FKBP11: variants seen among roughly 807,000 people sequenced by gnomAD.
FKBP11 encodes the protein FKBP prolyl isomerase 11, also known as peptidyl-prolyl cis-trans isomerase FKBP11.
FKBP11 carries 21 observed loss-of-function variants against 24.7 expected under a neutral mutation model. That is an observed-to-expected ratio of 0.85 (90% CI 0.60 to 1.23). The LOEUF (loss-of-function observed/expected upper bound fraction) is 1.23. Ranked by LOEUF, FKBP11 falls within the 50% of genes most tolerant of loss-of-function variation. FKBP11 has a pLI of 0.00. For missense variants in FKBP11, 245 were observed against 248.7 expected (o/e 0.99, Z 0.10); for synonymous variants, 106 against 100.6 (o/e 1.05, Z -0.32).
chr12:48,931,523 T>G, the FKBP11 span: 19 of 1,496,390 alleles, frequency 1.3e-5, no homozygotes, highest in East Asian at 2.5e-5. Context: ...CTTGGAAAGA[T>G]AGGAGAGTTG....
chr12:48,924,656 G>T lies in FKBP11; in HGVS notation c.196-8C>A, dbSNP rs756025961. 22 of 1,613,064 alleles carry T rather than the reference G, an allele frequency of 1.4e-5. No homozygotes were observed. The East Asian group carries it at 4.7e-4, about 34-fold the overall frequency. ...TCCATCTACCAAGCTTCCCTGGGGG[G>T]AGAGAGCATCAAGAGCATACATCTA... On this transcript the variant is annotated splice_region_variant and splice_polypyrimidine_tract_variant and intron_variant, in intron 2 of 5. Transcript: ENST00000550765.
chr12:48,923,833 T>A lies in FKBP11; in HGVS notation c.337A>T (p.Ile113Phe). The change falls in exon 5 of 6, where the codon ATT becomes TTT. Residue 113 changes from isoleucine (I) to phenylalanine (F), a missense_variant. By Grantham distance (21) the Ile-to-Phe change is conservative. Transcript: ENST00000550765. ...MCVGEKRRAI[I>F]PSHLAYGKRG... ...TTTCCATAGGCCAAGTGAGAAGGAA[T>A]GATTGCCCTTCGCTTCTCTCTGAGG... 1 of 1,614,102 alleles carries A rather than the reference T, an allele frequency of 6.2e-7. No individual in the cohort carries two copies. The highest frequency in any genetic ancestry group is 1.3e-5 in the African/African-American group (1 of 75,022).
At chr12:48,924,807 C>A in intron 2 of FKBP11, 159 bp from the exon 3 acceptor site, 1 of 1,454,042 alleles carries the variant, frequency 6.9e-7, no homozygotes, top group Non-Finnish European at 9.0e-7. Context: ...AGAAGGCTGG[C>A]GCTTCTCGGA....
intron 2 of FKBP11, 171 bp from the exon 3 acceptor site, chr12:48,924,819 A>C: frequency 1.4e-6 from 2 of 1,450,436 alleles, no homozygotes; most frequent in Non-Finnish European, 1.8e-6. Context: ...CTTCTCGGAG[A>C]TCTCTCCACC....
chr12:48,928,121 T>C (rs923967504), upstream of FKBP11, among the ~76,000 whole-genome samples: 10 of 140,930 alleles, frequency 7.1e-5, no homozygotes, highest in Admixed American at 2.3e-4. Context: ...CTTGGCTCAC[T>C]GCAACCTCTG....
chr12:48,923,987 C>G (rs751975439), intron 4 of FKBP11, 135 bp from the exon 5 acceptor site: 2 of 965,074 alleles, frequency 2.1e-6, no homozygotes, highest in African/African-American at 1.6e-5. Flanking sequence ...GAACACCAAA[C>G]AGGCTGGCCA....
upstream of FKBP11, chr12:48,925,640 G>A (rs766639419): frequency 1.2e-4 from 77 of 618,118 alleles, no homozygotes; most frequent in African/African-American, 2.0e-4. Context: ...CCAAGATCCG[G>A]AGGGCGCAGG....
chr12:48,927,358 A>AT (rs1939991617), upstream of FKBP11, among the ~76,000 whole-genome samples: 1 of 152,040 alleles, frequency 6.6e-6, no homozygotes, highest in Non-Finnish European at 1.5e-5. Context: ...AAAAAAAAAA[A>AT]GTCCCCTCAG....
intron 2 of FKBP11, 47 bp from the exon 3 acceptor site, chr12:48,924,695 C>A (rs762437202): frequency 6.2e-7 from 1 of 1,601,246 alleles, no homozygotes; most frequent in Admixed American, 1.7e-5. Flanking sequence ...CCCTCTCCCT[C>A]CCAGCAGGCG....
chr12:48,922,198 TCC>T lies in FKBP11; in HGVS notation c.390_391del (p.Asp131CysfsTer6). The T allele has an allele frequency of 6.2e-7, 1 of 1,610,728 alleles. No individual in the cohort carries two copies. Among genetic ancestry groups the T allele is most frequent in the Non-Finnish European group, 8.5e-7 (1 of 1,177,480 alleles). On this transcript the variant is annotated frameshift_variant and splice_region_variant, in exon 6 of 6. Transcript: ENST00000550765. LOFTEE classifies it high-confidence loss of function. ...CTCCACGTCATACTGCACCACTGCA[TCC>T]GCTGGAGAGGCAGAGGGGTGGAGAG...
the FKBP11 span, chr12:48,931,943 A>C: frequency 6.5e-6 from 1 of 153,392 alleles, no homozygotes; most frequent in African/African-American, 2.4e-5. Context: ...TCTCAGGCTC[A>C]AGCAATCCTC....
At chr12:48,938,898 G>C in the FKBP11 span, 1 of 1,591,354 alleles carries the variant, frequency 6.3e-7, no homozygotes, top group South Asian at 1.1e-5. Flanking sequence ...CAGGGTGACA[G>C]TAGGTATGTC....
At chr12:48,938,558 CAG>C in the FKBP11 span, 28 of 458,192 alleles carry the variant, frequency 6.1e-5, no homozygotes, top group East Asian at 6.9e-5. Flanking sequence ...GAAAGGCAAA[CAG>C]GGAGTAGAAG....
the FKBP11 span, among the ~76,000 whole-genome samples, chr12:48,933,991 C>A: frequency 6.6e-6 from 1 of 152,178 alleles, no homozygotes; most frequent in African/African-American, 2.4e-5. Context: ...ACAGATGTCC[C>A]AAAAGGATTC....
chr12:48,932,804 G>A, the FKBP11 span, among the ~76,000 whole-genome samples: 1 of 152,150 alleles, frequency 6.6e-6, no homozygotes, highest in Non-Finnish European at 1.5e-5. Flanking sequence ...GTGCCAGGCG[G>A]ACAAGCCCAT....
upstream of FKBP11, among the ~76,000 whole-genome samples, chr12:48,927,979 T>C (rs906610048): frequency 1.3e-5 from 2 of 149,460 alleles, no homozygotes; most frequent in Non-Finnish European, 1.5e-5. Flanking sequence ...GGGGAAAGAG[T>C]AGTTCAATCT....
At chr12:48,929,636 T>C (rs1422853304), upstream of FKBP11, among the ~76,000 whole-genome samples, 1 of 152,228 alleles carries the variant, frequency 6.6e-6, no homozygotes, top group South Asian at 2.1e-4. Context: ...AATCTGCTTT[T>C]CCAAACTTGG....
At chr12:48,928,349 T>C (rs1002309333), upstream of FKBP11, among the ~76,000 whole-genome samples, 18 of 145,906 alleles carry the variant, frequency 1.2e-4, no homozygotes, top group Non-Finnish European at 2.1e-4. Flanking sequence ...CCAGCTCACC[T>C]TTTTTTTTTT....
chr12:48,924,956 C>T (rs1013007013), intron 2 of FKBP11, 90 bp downstream of exon 2: 58 of 1,483,780 alleles, frequency 3.9e-5, no homozygotes, highest in Non-Finnish European at 4.9e-5. Context: ...TTCTCCCGAA[C>T]CGCTTGCCAC....
Sources: allele counts gnomAD v4.1 joint callset (sites outside exome capture counted in the v4.1 genomes callset), GRCh38; gene constraint gnomAD v4.1.1; transcripts MANE v1.5; gene names NCBI Gene and HGNC (gene_info 2026-07-23, HGNC 2026-07-21).